MBTPS2: variants seen among roughly 807,000 people sequenced by gnomAD.
The protein encoded by MBTPS2 is membrane bound transcription factor peptidase, site 2, also known as membrane-bound transcription factor site-2 protease.
Under a neutral mutation model 35.4 loss-of-function variants are expected in MBTPS2, and 2 were observed. The ratio of observed to expected loss-of-function variants is 0.06; its 90% confidence interval spans 0.02 to 0.18. The LOEUF is 0.18. Among genes scored for constraint, MBTPS2 ranks in the 10% least tolerant of loss-of-function variants. The pLI, the probability that MBTPS2 is intolerant of heterozygous loss-of-function variation, is 1.00. For synonymous variants in MBTPS2, 125 were observed against 140.4 expected (o/e 0.89, Z 0.77); for missense variants, 244 against 386.5 (o/e 0.63, Z 3.09).
At chrX:21,856,371 A>G (rs2092922244) in intron 5 of MBTPS2, 1 of 851,297 alleles carries the variant, frequency 1.2e-6, no homozygotes, top group Admixed American at 3.1e-5. Context: ...CTTTCTCTGC[A>G]GCTCGCCCCT....
chrX:21,844,914 A>G (rs1402694366), intron 2 of MBTPS2, among the ~76,000 whole-genome samples: 1 of 112,470 alleles, frequency 8.9e-6, no homozygotes, highest in Non-Finnish European at 1.9e-5. Flanking sequence ...GAGCAAGTGC[A>G]TGAGAGGAAA....
intron 7 of MBTPS2, among the ~76,000 whole-genome samples, chrX:21,876,873 C>T (rs2092953746): frequency 8.9e-6 from 1 of 112,069 alleles, no homozygotes; most frequent in Admixed American, 9.5e-5. Context: ...CCTGAAAGCA[C>T]TCTTGTAATA....
At chrX:21,856,330 T>TCGCGCCTTTCTCC in intron 5 of MBTPS2, 1 of 498,083 alleles carries the variant, frequency 2.0e-6, no homozygotes, top group Admixed American at 3.3e-5. Context: ...CGCCTTTCTC[T>TCGCGCCTTTCTCC]GCAGCTCGCG....
intron 7 of MBTPS2, chrX:21,871,844 C>A (rs186598982): frequency 1.8e-5 from 2 of 110,001 alleles, no homozygotes; most frequent in African/African-American, 6.6e-5. Flanking sequence ...TTTCTATAAA[C>A]TGCTAATTAG....
rs369171440 is a variant in MBTPS2 at position 21,882,660 on chromosome X, T to C, written c.*5T>C. The C allele has an allele frequency of 2.5e-6, 3 of 1,208,801 alleles. No homozygotes were observed. The highest frequency in any genetic ancestry group is 3.4e-6 in the Non-Finnish European group (3 of 893,142). On this transcript the variant is annotated 3_prime_UTR_variant, in exon 11 of 11. Transcript: ENST00000379484. The stretch of plus-strand genomic sequence containing the variant: ...TGGATGGTTACAGCACGGTAATGTT[T>C]GCACTCATCTGACAGAATCCCTGAG...
At chrX:21,854,904 G>A (rs1464806603) in intron 5 of MBTPS2, among the ~76,000 whole-genome samples, 1 of 111,337 alleles carries the variant, frequency 9.0e-6, no homozygotes, top group African/African-American at 3.3e-5. Flanking sequence ...ATCACACCTT[G>A]GATCAATTTA....
chrX:21,854,233 A>G (rs1458067498), intron 5 of MBTPS2, among the ~76,000 whole-genome samples: 3 of 112,381 alleles, frequency 2.7e-5, no homozygotes, highest in Non-Finnish European at 5.6e-5. Context: ...TAAATACTAC[A>G]AGATCTAAAA....
Position 21,884,376 on chromosome X carries a change from T to C in MBTPS2, c.*1721T>C, listed in dbSNP as rs2092962463. ...GCCATGAAATACTTATATAATTAAT[T>C]TGATTGCATGAACTAAGCAATTTTA... On this transcript the variant is annotated 3_prime_UTR_variant, in exon 11 of 11. Coordinates refer to ENST00000379484, the MANE Select transcript of MBTPS2 (RefSeq NM_015884.4). The C allele has an allele frequency of 3.4e-5, 23 of 674,222 alleles. No individual in the cohort carries two copies. The highest frequency in any genetic ancestry group is 3.9e-5 in the Non-Finnish European group (22 of 565,977). The allele number at this position is 674,222 out of a possible 1,213,427, so 55.6% of individuals were successfully genotyped here. A position where few individuals can be genotyped will look rare whatever the true frequency, so the allele number is the denominator to read the frequency against.
intron 5 of MBTPS2, chrX:21,857,024 G>A: frequency 3.3e-6 from 4 of 1,212,049 alleles, no homozygotes; most frequent in Non-Finnish European, 4.5e-6. Flanking sequence ...AAACGCTGGA[G>A]GGTGAGTTTT....
chrX:21,867,927 CCG>C (rs1569326913), intron 5 of MBTPS2, among the ~76,000 whole-genome samples: 1 of 111,675 alleles, frequency 9.0e-6, no homozygotes, highest in Non-Finnish European at 1.9e-5. Flanking sequence ...GCGTGAGCCA[CCG>C]TGCCTGGCCG....
chrX:21,843,052 TA>T, intron 1 of MBTPS2, 117 bp from the exon 2 acceptor site: 1 of 606,766 alleles, frequency 1.6e-6, no homozygotes, highest in Non-Finnish European at 2.8e-6. Context: ...TTTAAGATTA[TA>T]AACATTTGGG....
chrX:21,841,661 T>C (rs988220935), intron 1 of MBTPS2: 1 of 80,513 alleles, frequency 1.2e-5, no homozygotes, highest in Non-Finnish European at 2.3e-5. Flanking sequence ...TCATGTTGCA[T>C]ATGTGAAAAA....
chrX:21,848,142 G>C (rs1380213879), intron 3 of MBTPS2, among the ~76,000 whole-genome samples: 1 of 112,603 alleles, frequency 8.9e-6, no homozygotes, highest in Non-Finnish European at 1.9e-5. Flanking sequence ...AGTTTCGGCC[G>C]GGCTCAGTGG....
In MBTPS2 at chrX:21,883,057, G is replaced by A; in HGVS notation, c.*402G>A. 1 of 815,707 alleles carries A rather than the reference G, an allele frequency of 1.2e-6. No homozygotes were observed. The highest frequency in any genetic ancestry group is 1.5e-6 in the Non-Finnish European group (1 of 676,839). 67.2% of individuals were successfully genotyped at this position (815,707 alleles called of 1,213,427 possible). A position where few individuals can be genotyped will look rare whatever the true frequency, so the allele number is the denominator to read the frequency against. On this transcript the variant is annotated 3_prime_UTR_variant, in exon 11 of 11. Coordinates refer to ENST00000379484, the MANE Select transcript of MBTPS2 (RefSeq NM_015884.4). ...ATTAATCAAAATTTGAAGGAGACCAGACTTTGGCCAAGTGGAAGGATGACC... is the reference window on the plus strand; with the variant it reads ...ATTAATCAAAATTTGAAGGAGACCAAACTTTGGCCAAGTGGAAGGATGACC...
chrX:21,880,153 C>T (rs1192330934), intron 9 of MBTPS2, among the ~76,000 whole-genome samples: 2 of 108,415 alleles, frequency 1.8e-5, no homozygotes, highest in Non-Finnish European at 1.9e-5. Flanking sequence ...CAGGGTTTCA[C>T]CATATTGGTC....
intron 5 of MBTPS2, among the ~76,000 whole-genome samples, chrX:21,861,871 T>C (rs767525417): frequency 9.1e-4 from 102 of 112,380 alleles, no homozygotes; most frequent in Non-Finnish European, 1.8e-3. Flanking sequence ...TACAACACTT[T>C]AAAAATTTTA....
rs1468445772 is a variant in MBTPS2, at chrX:21,882,715, A to G, written c.*60A>G. On this transcript the variant is annotated 3_prime_UTR_variant, in exon 11 of 11. Coordinates refer to ENST00000379484, the MANE Select transcript of MBTPS2 (RefSeq NM_015884.4). ...AGTATACAGCTATGTGGTAATATTC[A>G]TTGCCATTGAAATTCTTACTTGGTA... 8.3e-7 allele frequency: 1 copy of G among 1,203,008 alleles called. No homozygotes were observed. Among genetic ancestry groups the G allele is most frequent in the Non-Finnish European group, 1.1e-6 (1 of 889,835 alleles).
chrX:21,862,891 T>C (rs1258816186), intron 5 of MBTPS2, among the ~76,000 whole-genome samples: 8 of 76,340 alleles, frequency 1.0e-4, no homozygotes, highest in African/African-American at 3.3e-4. Context: ...TATATACACA[T>C]ATATATAAAC....
intron 7 of MBTPS2, 111 bp from the exon 8 acceptor site, chrX:21,877,931 T>C (rs1304646530): frequency 5.7e-6 from 3 of 525,919 alleles, no homozygotes; most frequent in Non-Finnish European, 1.0e-5. Flanking sequence ...ATTATACAGT[T>C]GCTTCTAAAT....
Sources: gnomAD v4.1 joint callset for allele counts (sites outside exome capture counted in the v4.1 genomes callset) on GRCh38, gnomAD v4.1.1 for gene constraint, MANE v1.5 for transcripts, NCBI Gene and HGNC (gene_info 2026-07-23, HGNC 2026-07-21) for gene names.